Variants in EPHA3 observed in about 807,000 individuals in gnomAD.
EPHA3 encodes ephrin type-A receptor 3.
EPHA3 carries 42 observed loss-of-function variants against 107.1 expected under a neutral mutation model. The ratio of observed to expected loss-of-function variants is 0.39; its 90% CI spans 0.31 to 0.51. The LOEUF (loss-of-function observed/expected upper bound fraction) is 0.51, where lower values mean the gene tolerates loss of function less well. Ranked by LOEUF, EPHA3 falls within the 20% of genes least tolerant of loss-of-function variation. The pLI, the probability that EPHA3 is intolerant of heterozygous loss-of-function variation, is 0.78. For synonymous variants in EPHA3, 461 were observed against 424.8 expected (o/e 1.09, Z -1.05); for missense variants, 1,183 against 1,211.2 (o/e 0.98, Z 0.35).
At chr3:89,293,192 T>C (rs1706257961) in intron 3 of EPHA3, among the ~76,000 whole-genome samples, 1 of 152,136 alleles carries the variant, frequency 6.6e-6, no homozygotes, top group African/African-American at 2.4e-5. Context: ...AGCGGGGAGA[T>C]TATTTTTTTA....
At chr3:89,417,914 C>A (rs371025347) in intron 10 of EPHA3, among the ~76,000 whole-genome samples, 2 of 151,276 alleles carry the variant, frequency 1.3e-5, no homozygotes, top group Admixed American at 1.3e-4. Flanking sequence ...GAAAACAGGG[C>A]AAGAGTGGAT....
chr3:89,346,846 T>A (rs1707670816), intron 5 of EPHA3, among the ~76,000 whole-genome samples: 1 of 143,334 alleles, frequency 7.0e-6, no homozygotes, highest in Admixed American at 7.0e-5. Flanking sequence ...GGCTAGCCAG[T>A]TTTGCCAGCA....
intron 1 of EPHA3, among the ~76,000 whole-genome samples, chr3:89,113,485 C>CAAAAAAAAAAAAAAAAA (rs753848304): frequency 9.6e-5 from 3 of 31,102 alleles, no homozygotes; most frequent in Admixed American, 8.3e-4. Context: ...TTCCTTTGTA[C>CAAAAAAAAAAAAAAAAA]AAAAAAAAAA....
chr3:89,392,948 G>T (rs1176172850), intron 5 of EPHA3, among the ~76,000 whole-genome samples: 6 of 152,148 alleles, frequency 3.9e-5, no homozygotes, highest in South Asian at 2.1e-4. Flanking sequence ...AGTGCCCAGA[G>T]AATTTGTCTC....
At chr3:89,173,886 C>T (rs1457326832) in intron 2 of EPHA3, among the ~76,000 whole-genome samples, 1 of 151,808 alleles carries the variant, frequency 6.6e-6, no homozygotes, top group Non-Finnish European at 1.5e-5. Flanking sequence ...GTCTCTAAAA[C>T]ATGTTCTATA....
intron 10 of EPHA3, among the ~76,000 whole-genome samples, chr3:89,416,606 A>T (rs1576367358): frequency 6.6e-6 from 1 of 151,408 alleles, no homozygotes. Context: ...CAGTTATTTT[A>T]AATTATTAAA....
At chr3:89,390,012 G>A (rs554686597) in intron 5 of EPHA3, among the ~76,000 whole-genome samples, 96 of 151,738 alleles carry the variant, frequency 6.3e-4, no homozygotes, top group Middle Eastern at 3.4e-3. Context: ...ATTTTTTTGA[G>A]ACTGAGTCTC....
chr3:89,112,429 C>A (rs1402970060), intron 1 of EPHA3, among the ~76,000 whole-genome samples: 1 of 151,834 alleles, frequency 6.6e-6, no homozygotes, highest in Non-Finnish European at 1.5e-5. Flanking sequence ...ATTTAACATT[C>A]AAACTTTGGT....
intron 3 of EPHA3, among the ~76,000 whole-genome samples, chr3:89,234,440 A>G (rs2107230908): frequency 1.3e-5 from 2 of 152,294 alleles, no homozygotes; most frequent in Non-Finnish European, 2.9e-5. Flanking sequence ...ATCTATGTGA[A>G]TGTTTTTTAT....
At chr3:89,241,630 A>G (rs1474772918) in intron 3 of EPHA3, among the ~76,000 whole-genome samples, 2 of 152,128 alleles carry the variant, frequency 1.3e-5, no homozygotes, top group Non-Finnish European at 2.9e-5. Context: ...ACTCTCATTG[A>G]CAAATACCAT....
At chr3:89,306,151 A>G (rs995326169) in intron 3 of EPHA3, among the ~76,000 whole-genome samples, 1 of 152,114 alleles carries the variant, frequency 6.6e-6, no homozygotes, top group Admixed American at 6.6e-5. Context: ...ATTAGTTTCT[A>G]CCACGGTGGT....
chr3:89,398,559 T>G (rs1385792721), intron 6 of EPHA3, among the ~76,000 whole-genome samples: 1 of 152,186 alleles, frequency 6.6e-6, no homozygotes, highest in Non-Finnish European at 1.5e-5. Context: ...AAACCTTGAT[T>G]TTTTATGTTT....
intron 5 of EPHA3, among the ~76,000 whole-genome samples, chr3:89,351,720 A>G (rs1335138575): frequency 1.3e-5 from 2 of 151,338 alleles, no homozygotes; most frequent in African/African-American, 2.4e-5. Flanking sequence ...ATTAAAATCA[A>G]GACATTAGCA....
At chr3:89,470,953 T>G (rs1217664991) in intron 15 of EPHA3, among the ~76,000 whole-genome samples, 2 of 152,190 alleles carry the variant, frequency 1.3e-5, no homozygotes, top group African/African-American at 4.8e-5. Context: ...GCCTGCCACA[T>G]TGAGTGCACA....
At chr3:89,235,548 A>G (rs894894715) in intron 3 of EPHA3, among the ~76,000 whole-genome samples, 24 of 152,040 alleles carry the variant, frequency 1.6e-4, no homozygotes, top group Non-Finnish European at 2.9e-4. Flanking sequence ...TGTAAGAGTG[A>G]TGTTATTAAA....
At position 89,345,065 on chromosome 3, in the gene EPHA3, T is replaced by C. The variant is rs1373818952; in HGVS notation, c.1306+2975T>C. ...TTCTTTCACAGAATGAGTATATTCA[T>C]CTTTTTTTTTCTTCTGGACAAAAAC... On this transcript the variant is annotated intron_variant, in intron 5 of 16. Transcript: ENST00000336596. Among the ~76,000 whole-genome samples the C allele has an allele frequency of 1.3e-5, 2 of 151,068 alleles. 1 individual carries two copies. The highest frequency in any genetic ancestry group is 3.0e-5 in the Non-Finnish European group (2 of 67,546).
chr3:89,127,702 TG>T (rs1432301218), intron 2 of EPHA3, among the ~76,000 whole-genome samples: 1 of 152,026 alleles, frequency 6.6e-6, no homozygotes, highest in African/African-American at 2.4e-5. Context: ...TAGAATTTAT[TG>T]GTCAACAGTA....
chr3:89,117,065 G>C (rs958249446), intron 1 of EPHA3, among the ~76,000 whole-genome samples: 1 of 152,036 alleles, frequency 6.6e-6, no homozygotes, highest in African/African-American at 2.4e-5. Flanking sequence ...GGCCTCAAAA[G>C]GGACTTAAGC....
intron 15 of EPHA3, among the ~76,000 whole-genome samples, chr3:89,453,388 A>G (rs1401983575): frequency 6.6e-6 from 1 of 152,168 alleles, no homozygotes; most frequent in Non-Finnish European, 1.5e-5. Flanking sequence ...ACATACTTTC[A>G]TAATTCACTT....
Sources: gnomAD v4.1 joint callset for allele counts (sites outside exome capture counted in the v4.1 genomes callset) on GRCh38, gnomAD v4.1.1 for gene constraint, MANE v1.5 for transcripts, NCBI Gene and HGNC (gene_info 2026-07-23, HGNC 2026-07-21) for gene names.